The following CFHR4 variants were observed in gnomAD, a reference collection of about 807,000 sequenced individuals.
CFHR4 encodes the protein complement factor H related 4, also known as complement factor H-related protein 4.
A neutral mutation model predicts 69.3 loss-of-function variants in CFHR4; 64 were observed. The observed-to-expected ratio is 0.92, with a 90% CI of 0.76 to 1.14. CFHR4 has a LOEUF of 1.14. CFHR4 is among the 50% of genes most tolerant of loss of function. The pLI is 0.00. For missense variants in CFHR4, 636 were observed against 684.9 expected, an observed-to-expected ratio of 0.93 and a Z score of 0.80; for synonymous variants, 244 against 237.0, an observed-to-expected ratio of 1.03 and a Z score of -0.27.
chr1:196,914,620 G>T lies in CFHR4; in HGVS notation c.1306G>T (p.Gly436Cys). 3.7e-6 allele frequency: 6 copies of T among 1,610,940 alleles called. No homozygotes were observed. The highest frequency in any genetic ancestry group is 1.7e-4 in the Middle Eastern group (1 of 6,050). Reference protein sequence around the residue: ...GYEISYGNTTGSIVCGEDGWS... With the variant: ...GYEISYGNTTCSIVCGEDGWS... ...TGAAATCAGTTATGGAAACACCACA[G>T]GTTCCATAGTGTGTGGTGAAGATGG... Residue 436 changes from glycine (G) to cysteine (C), a missense_variant, in exon 8 of 10, where the codon GGT becomes TGT. By Grantham distance (159) the Gly-to-Cys change is radical (BLOSUM62 -3). This residue lies in a region of CFHR4 where 529 missense variants were observed against 533.2 expected (regional missense o/e 0.99). Transcript: ENST00000608469.
chr1:196,915,922 A>G (rs1282453093), intron 9 of CFHR4, among the ~76,000 whole-genome samples: 2 of 151,538 alleles, frequency 1.3e-5, no homozygotes, highest in African/African-American at 4.9e-5. Context: ...GAAAACATGA[A>G]ATTTTTCCGG....
chr1:196,900,245 T>C (rs1657530343), intron 1 of CFHR4, among the ~76,000 whole-genome samples: 1 of 150,602 alleles, frequency 6.6e-6, no homozygotes, highest in Non-Finnish European at 1.5e-5. Flanking sequence ...ATTCACATGG[T>C]AGAAGACTAA....
intron 3 of CFHR4, 33 bp downstream of exon 3, chr1:196,905,323 G>C (rs563719986): frequency 2.5e-6 from 4 of 1,607,724 alleles, no homozygotes; most frequent in Non-Finnish European, 3.4e-6. Flanking sequence ...CTCAGTTTCT[G>C]TCAACTTCTT....
rs1360093527 is a variant in CFHR4, at chr1:196,888,125, T to G, written c.-26T>G. 2 of 1,606,506 alleles carry G rather than the reference T, an allele frequency of 1.2e-6. No individual in the cohort carries two copies. Among genetic ancestry groups the G allele is most frequent in the Non-Finnish European group, 1.7e-6 (2 of 1,174,950 alleles). ...AAACAGTGCAACTGAAACTTTTGCA[T>G]TACTATACTACTGAGAATATCTAAC... On this transcript the variant is annotated 5_prime_UTR_variant, in exon 1 of 10. Coordinates refer to ENST00000608469, the MANE Select transcript of CFHR4 (RefSeq NM_001201550.3).
In CFHR4 at chr1:196,905,286, C is replaced by T; in HGVS notation, c.435C>T (p.Cys145=). 6.2e-7 allele frequency: 1 copy of T among 1,610,896 alleles called. No homozygotes were observed. The highest frequency in any genetic ancestry group is 1.7e-5 in the Admixed American group (1 of 59,740). The change falls in exon 3 of 10, where the codon TGC becomes TGT. Residue 145 remains cysteine (C), a synonymous_variant. Coordinates refer to ENST00000608469, the MANE Select transcript of CFHR4 (RefSeq NM_001201550.3). Reference sequence around the variant, plus strand: ...ATGGATGGTCAACACAACCAATTTGCATTAGTAAGTTATTTACATATTCCC... The same window carrying T: ...ATGGATGGTCAACACAACCAATTTGTATTAGTAAGTTATTTACATATTCCC... ...LQNGWSTQPI[C]IKFCDMPVFE...
chr1:196,914,076 T>A (rs1658434865), intron 7 of CFHR4, among the ~76,000 whole-genome samples: 1 of 151,620 alleles, frequency 6.6e-6, no homozygotes, highest in East Asian at 1.9e-4. Context: ...ATATAATTTT[T>A]ATCTAATATA....
chr1:196,892,438 A>G (rs1160166934), intron 1 of CFHR4, among the ~76,000 whole-genome samples: 1 of 151,370 alleles, frequency 6.6e-6, no homozygotes, highest in East Asian at 1.9e-4. Flanking sequence ...CTTTGTTTTG[A>G]TAGAAAAATT....
intron 9 of CFHR4, among the ~76,000 whole-genome samples, chr1:196,915,355 C>T (rs1456098000): frequency 1.3e-5 from 2 of 151,102 alleles, no homozygotes; most frequent in Non-Finnish European, 2.9e-5. Context: ...ACAGGAATGT[C>T]GGCCTGGGGT....
intron 9 of CFHR4, among the ~76,000 whole-genome samples, chr1:196,917,009 A>G (rs1261126220): frequency 1.3e-5 from 2 of 151,608 alleles, no homozygotes; most frequent in Non-Finnish European, 2.9e-5. Context: ...ATGTTTGGAG[A>G]AGTATTTAGA....
chr1:196,913,709 A>C (rs1188541414), intron 7 of CFHR4, among the ~76,000 whole-genome samples: 1 of 151,264 alleles, frequency 6.6e-6, no homozygotes, highest in East Asian at 1.9e-4. Flanking sequence ...TAATTTACAT[A>C]CTCCCAAATC....
At chr1:196,890,806 CA>C (rs1025024476) in intron 1 of CFHR4, among the ~76,000 whole-genome samples, 5 of 151,484 alleles carry the variant, frequency 3.3e-5, no homozygotes, top group African/African-American at 1.2e-4. Context: ...TTTCGCATAA[CA>C]AAAGGTTCCA....
intron 2 of CFHR4, 118 bp from the exon 3 acceptor site, chr1:196,904,990 T>G (rs910921257): frequency 9.8e-6 from 10 of 1,021,712 alleles, no homozygotes; most frequent in Non-Finnish European, 1.2e-5. Flanking sequence ...TTTTGCTGTT[T>G]TCAATTCATT....
At chr1:196,909,544 C>G (rs1658121545) in intron 5 of CFHR4, among the ~76,000 whole-genome samples, 1 of 151,288 alleles carries the variant, frequency 6.6e-6, no homozygotes, top group Admixed American at 6.6e-5. Context: ...GTGATATGTA[C>G]TATGTTAAGA....
rs139457582 is a variant in CFHR4 at position 196,901,081 on chromosome 1, T to G, written c.59-1337T>G. Among the ~76,000 whole-genome samples, 337 of 151,636 alleles carry G rather than the reference T, an allele frequency of 2.2e-3. 19 individuals carry two copies. The highest frequency in any genetic ancestry group is 3.1e-4 in the Non-Finnish European group (21 of 67,894). Reference sequence around the variant, plus strand: ...TAAAGACAAATTATTCATCTGACACTTGTTAATATGACAAGACAGATTTTA... The same window carrying G: ...TAAAGACAAATTATTCATCTGACACGTGTTAATATGACAAGACAGATTTTA... On this transcript the variant is annotated intron_variant, in intron 1 of 9. Coordinates refer to ENST00000608469, the MANE Select transcript of CFHR4 (RefSeq NM_001201550.3).
chr1:196,912,084 A>G (rs867418172), intron 6 of CFHR4, among the ~76,000 whole-genome samples: 9 of 151,138 alleles, frequency 6.0e-5, no homozygotes, highest in African/African-American at 2.0e-4. Flanking sequence ...TTACTACCTT[A>G]TACATATACC....
chr1:196,912,379 A>T (rs1658322351), intron 6 of CFHR4, among the ~76,000 whole-genome samples: 1 of 151,300 alleles, frequency 6.6e-6, no homozygotes, highest in Non-Finnish European at 1.5e-5. Context: ...GAGGTTTAAG[A>T]CCCCTTAATA....
intron 7 of CFHR4, 96 bp downstream of exon 7, chr1:196,913,018 G>A (rs956067956): frequency 1.9e-6 from 3 of 1,586,012 alleles, no homozygotes; most frequent in Admixed American, 1.8e-5. Context: ...AACACTTTTA[G>A]GAGTAAAGAG....
chr1:196,911,902 G>C (rs1363770520), intron 6 of CFHR4, among the ~76,000 whole-genome samples: 1 of 151,348 alleles, frequency 6.6e-6, no homozygotes, highest in Non-Finnish European at 1.5e-5. Context: ...GGCAAGAATA[G>C]ATCAGAAAAC....
At chr1:196,907,270 C>T in intron 4 of CFHR4, 46 bp from the exon 5 acceptor site, 1 of 1,508,402 alleles carries the variant, frequency 6.6e-7, no homozygotes. Flanking sequence ...AGAAAGTTTC[C>T]AATAAAACTG....
Sources: allele counts gnomAD v4.1 joint callset (sites outside exome capture counted in the v4.1 genomes callset), GRCh38; gene constraint gnomAD v4.1.1; regional missense constraint gnomAD v4.1.1; transcripts MANE v1.5; gene names NCBI Gene and HGNC (gene_info 2026-07-23, HGNC 2026-07-21).